Variants in VXN observed in about 807,000 individuals in gnomAD.
VXN encodes uncharacterized protein C8orf46.
VXN carries 7 observed loss-of-function variants against 23.1 expected under a neutral mutation model. That is an observed-to-expected ratio of 0.30 (90% confidence interval 0.17 to 0.57). The LOEUF is 0.57. Ranked by LOEUF, VXN falls within the 20% of genes least tolerant of loss-of-function variation. The pLI, the probability that VXN is intolerant of heterozygous loss-of-function variation, is 0.91. For missense variants in VXN, 238 were observed against 272.6 expected (o/e 0.87, Z 0.89); for synonymous variants, 120 against 105.8 (o/e 1.13, Z -0.83).
At chr8:66,511,509 G>A (rs1807823876) in intron 4 of VXN, among the ~76,000 whole-genome samples, 1 of 152,198 alleles carries the variant, frequency 6.6e-6, no homozygotes, top group Non-Finnish European at 1.5e-5. Context: ...TGGTACTTAG[G>A]GGAAACCAGG....
intron 2 of VXN, chr8:66,503,325 CT>C (rs995273618): frequency 4.6e-5 from 7 of 152,178 alleles, no homozygotes; most frequent in Admixed American, 2.0e-4. Context: ...TAGAACATTT[CT>C]GTGAATCCCC....
intron 1 of VXN, 70 bp from the exon 2 acceptor site, chr8:66,496,367 T>C: frequency 7.1e-7 from 1 of 1,413,714 alleles, no homozygotes; most frequent in Non-Finnish European, 1.0e-6. Context: ...ACCTTCTCAG[T>C]GTTGTTACTG....
At chr8:66,495,250 A>C (rs181170031) in intron 1 of VXN, among the ~76,000 whole-genome samples, 32 of 152,356 alleles carry the variant, frequency 2.1e-4, no homozygotes, top group African/African-American at 5.3e-4. Flanking sequence ...AACAAAGTAG[A>C]AGGAAATATG....
At position 66,493,681 on chromosome 8, in the gene VXN, G is replaced by A; in HGVS notation, c.33G>A (p.Glu11=). Residue 11 remains glutamate, a synonymous_variant, in exon 1 of 6, where the codon GAG becomes GAA. Transcript: ENST00000305454. The part of the protein sequence containing the change: MMHQIYSCSD[E]NIEVFTTVIP... The stretch of plus-strand genomic sequence containing the variant: ...ATCAGATTTACAGCTGCAGTGACGA[G>A]AACATAGAAGTTTTCACCACCGTGA... The A allele has an allele frequency of 1.2e-6, 2 of 1,613,510 alleles. No individual in the cohort carries two copies. The highest frequency in any genetic ancestry group is 1.1e-5 in the South Asian group (1 of 91,032).
At chr8:66,513,258 G>A (rs1171175881) in intron 4 of VXN, among the ~76,000 whole-genome samples, 1 of 152,158 alleles carries the variant, frequency 6.6e-6, no homozygotes, top group Non-Finnish European at 1.5e-5. Flanking sequence ...CTAGGTCAGT[G>A]GCTCAAAGTG....
At position 66,505,461 on chromosome 8, in the gene VXN, C is replaced by G; in HGVS notation, c.213C>G (p.Arg71=). The G allele has an allele frequency of 6.3e-7, 1 of 1,576,872 alleles. No homozygotes were observed. The highest frequency in any genetic ancestry group is 8.6e-7 in the Non-Finnish European group (1 of 1,162,194). The stretch of plus-strand genomic sequence containing the variant: ...ACCGCAGGGACCCTGGCGACCGCCG[C>G]AGGTTTGGGCGGCTCCAGACCGCGC... ...RGDRRDPGDR[R]RFGRLQTARP... is the part of the protein sequence containing the mutation. Residue 71 remains arginine, a synonymous_variant, in exon 3 of 6, where the codon CGC becomes CGG. Coordinates refer to ENST00000305454, the MANE Select transcript of VXN (RefSeq NM_152765.4).
intron 2 of VXN, among the ~76,000 whole-genome samples, chr8:66,503,915 G>A (rs986493699): frequency 1.3e-5 from 2 of 152,218 alleles, no homozygotes; most frequent in Non-Finnish European, 2.9e-5. Context: ...TGAGAACCAA[G>A]TATCAGGCCC....
chr8:66,504,912 G>T (rs1208529625), intron 2 of VXN, among the ~76,000 whole-genome samples: 1 of 152,246 alleles, frequency 6.6e-6, no homozygotes, highest in African/African-American at 2.4e-5. Flanking sequence ...TCTTCGCTCT[G>T]CTAGAGCATC....
intron 2 of VXN, among the ~76,000 whole-genome samples, chr8:66,504,612 C>T (rs995188059): frequency 2.4e-4 from 37 of 151,962 alleles, no homozygotes; most frequent in Admixed American, 1.6e-3. Context: ...TTTTTAAGGC[C>T]CATTTTGGTG....
chr8:66,517,696 T>C lies in VXN; in HGVS notation c.*1620T>C, dbSNP rs1055395707. The C allele has an allele frequency of 1.3e-5, 2 of 152,208 alleles. No individual in the cohort carries two copies. Among genetic ancestry groups the C allele is most frequent in the Admixed American group, 6.5e-5 (1 of 15,282 alleles). The allele number at this position is 152,208 out of a possible 1,614,324, so 9.4% of individuals were successfully genotyped here. ...CCTAAACTCTGCCCCTGAAGGTTTG[T>C]TTTCTAATTCAGAGGTTTAAATTAA... On this transcript the variant is annotated 3_prime_UTR_variant, in exon 6 of 6. Transcript: ENST00000305454.
intron 2 of VXN, among the ~76,000 whole-genome samples, chr8:66,500,868 ATT>A (rs1172553891): frequency 0.016 from 1,811 of 114,046 alleles, 24 homozygotes; most frequent in African/African-American, 0.051. Context: ...AAAGGACATG[ATT>A]TTTTTTTTTT....
chr8:66,496,644 A>T (rs1413608730), intron 2 of VXN, 152 bp downstream of exon 2: 16 of 684,168 alleles, frequency 2.3e-5, no homozygotes, highest in Non-Finnish European at 3.5e-5. Flanking sequence ...TCTCCACTTA[A>T]CCAAAATAAT....
chr8:66,508,488 T>G (rs1294758116), intron 3 of VXN, among the ~76,000 whole-genome samples: 2 of 152,134 alleles, frequency 1.3e-5, no homozygotes, highest in Admixed American at 1.3e-4. Context: ...ATGACACCCC[T>G]GTCCCCACCG....
chr8:66,497,852 C>T (rs572792645), intron 2 of VXN, among the ~76,000 whole-genome samples: 131 of 152,152 alleles, frequency 8.6e-4, no homozygotes, highest in African/African-American at 2.0e-3. Context: ...CATGAGACCC[C>T]GACTCTACAA....
intron 1 of VXN, 36 bp from the exon 2 acceptor site, chr8:66,496,398 ATGT>A: frequency 1.2e-6 from 2 of 1,601,040 alleles, no homozygotes; most frequent in Non-Finnish European, 1.7e-6. Context: ...AGCCTCGCTG[ATGT>A]TGTCTAAAAC....
rs749448337 is a variant in VXN at position 66,505,538 on chromosome 8, T to C, written c.280+10T>C. 17 of 1,480,664 alleles carry C rather than the reference T, an allele frequency of 1.1e-5. No homozygotes were observed. Among genetic ancestry groups the C allele is most frequent in the Non-Finnish European group, 8.9e-7 (1 of 1,119,552 alleles). The allele number at this position is 1,480,664 out of a possible 1,614,324, so 91.7% of individuals were successfully genotyped here. On this transcript the variant is annotated intron_variant, in intron 3 of 5. Transcript: ENST00000305454. ...GCCTCTGCCAGACCCGGTACGTGAG[T>C]CCCGGCCCCAGCTCCCCGCACCTCC...
At chr8:66,499,580 C>G (rs567803707) in intron 2 of VXN, among the ~76,000 whole-genome samples, 49 of 150,050 alleles carry the variant, frequency 3.3e-4, no homozygotes, top group African/African-American at 1.2e-3. Flanking sequence ...GTTTGAGACA[C>G]AGTCTCACTC....
chr8:66,515,833 A>C, intron 5 of VXN, 60 bp from the exon 6 acceptor site: 1 of 1,446,656 alleles, frequency 6.9e-7, no homozygotes, highest in East Asian at 2.5e-5. Context: ...CTTAAGGGCA[A>C]AAATGAAGTT....
At position 66,498,718 on chromosome 8, in the gene VXN, C is replaced by T. The variant is rs944074889; in HGVS notation, c.126+2226C>T. 9 of 381,124 alleles carry T rather than the reference C, an allele frequency of 2.4e-5. No homozygotes were observed. In the East Asian group the frequency reaches 2.9e-4, roughly 12 times the overall value. 23.6% of individuals were successfully genotyped at this position (381,124 alleles called of 1,614,324 possible). A position where few individuals can be genotyped will look rare whatever the true frequency, so the allele number is the denominator to read the frequency against. ...CTGGACAAAGGGATGATTCATGCCC[C>T]GGGAGGGGATATGCAGATTGGTGTG... On this transcript the variant is annotated intron_variant, in intron 2 of 5. Transcript: ENST00000305454.
Sources: allele counts gnomAD v4.1 joint callset (sites outside exome capture counted in the v4.1 genomes callset), GRCh38; gene constraint gnomAD v4.1.1; transcripts MANE v1.5; gene names NCBI Gene and HGNC (gene_info 2026-07-23, HGNC 2026-07-21).